GALNT17: variants seen among roughly 807,000 people sequenced by gnomAD.
GALNT17 encodes UDP-GalNAc:polypeptide N-acetylgalactosaminyltransferase-like 3.
In GALNT17, 29 loss-of-function variants were observed where a neutral mutation model predicts 63.7. The observed-to-expected ratio is 0.46, with a 90% CI of 0.34 to 0.62. GALNT17 has a LOEUF of 0.62. GALNT17 is among the 20% of genes least tolerant of loss of function. GALNT17 has a pLI of 0.01. For synonymous variants in GALNT17, 305 were observed against 318.3 expected (o/e 0.96, Z 0.45); for missense variants, 603 against 799.6 (o/e 0.75, Z 2.97).
rs565020580 is a variant in GALNT17, at chr7:71,294,466, G to A, written c.239-41084G>A. ...GTCTTGCTCTGTCACCCAGGTTGGA[G>A]TGCAGTGGTGTGGTCTTGGCTCACT... On this transcript the variant is annotated intron_variant, in intron 1 of 10. Coordinates refer to ENST00000333538, the MANE Select transcript of GALNT17 (RefSeq NM_022479.3). Among the ~76,000 whole-genome samples the A allele has an allele frequency of 1.1e-4, 15 of 136,750 alleles. No homozygotes were observed. The East Asian group carries it at 3.5e-3, about 32-fold the overall frequency. The allele number at this position is 136,750 out of a possible 152,430, so 89.7% of individuals were successfully genotyped here. A position where few individuals can be genotyped will look rare whatever the true frequency, so the allele number is the denominator to read the frequency against.
intron 9 of GALNT17, among the ~76,000 whole-genome samples, chr7:71,694,962 C>G (rs1791517928): frequency 6.6e-6 from 1 of 152,192 alleles, no homozygotes; most frequent in East Asian, 1.9e-4. Context: ...CAGGATACAG[C>G]CCTCCCTTCC....
intron 5 of GALNT17, among the ~76,000 whole-genome samples, chr7:71,519,354 C>T (rs991925056): frequency 5.3e-5 from 8 of 152,230 alleles, no homozygotes; most frequent in African/African-American, 1.9e-4. Context: ...AATCTCTCTT[C>T]AGTCCTTTCA....
chr7:71,246,587 T>G (rs554502040), intron 1 of GALNT17, among the ~76,000 whole-genome samples: 1 of 151,742 alleles, frequency 6.6e-6, no homozygotes, highest in East Asian at 2.0e-4. Flanking sequence ...TCCCAGCACT[T>G]TGGGAGGCCG....
chr7:71,338,252 G>A lies in GALNT17; in HGVS notation c.422+2519G>A, dbSNP rs183786893. Among the ~76,000 whole-genome samples, 228 of 152,092 alleles carry A rather than the reference G, an allele frequency of 1.5e-3. 2 individuals carry two copies. The highest frequency in any genetic ancestry group is 5.3e-3 in the African/African-American group (219 of 41,486). On this transcript the variant is annotated intron_variant, in intron 2 of 10. Transcript: ENST00000333538. The stretch of plus-strand genomic sequence containing the variant: ...TGAGGCAGGAGAATGGCGTGAACCC[G>A]GGAGGCGGAGGTTACAGTGAGCCAA...
chr7:71,421,075 G>C lies in GALNT17; in HGVS notation c.932G>C (p.Trp311Ser). Reference protein sequence around the residue: ...CMYISPPKDWWDAGDPSLPIR... With the variant: ...CMYISPPKDWSDAGDPSLPIR... ...TACATCAGCCCCCCAAAAGACTGGTGGGACGCCGGAGACCCTTCTCTCCCC... is the reference window on the plus strand; with the variant it reads ...TACATCAGCCCCCCAAAAGACTGGTCGGACGCCGGAGACCCTTCTCTCCCC... Residue 311 changes from tryptophan to serine, a missense_variant, in exon 5 of 11, where the codon TGG becomes TCG. By Grantham distance (177) the Trp-to-Ser change is radical. Coordinates refer to ENST00000333538, the MANE Select transcript of GALNT17 (RefSeq NM_022479.3). 6.2e-7 allele frequency: 1 copy of C among 1,614,104 alleles called. No homozygotes were observed. The highest frequency in any genetic ancestry group is 8.5e-7 in the Non-Finnish European group (1 of 1,180,010).
At chr7:71,589,055 T>C (rs529248334) in intron 6 of GALNT17, among the ~76,000 whole-genome samples, 19 of 151,998 alleles carry the variant, frequency 1.3e-4, no homozygotes, top group South Asian at 6.2e-4. Flanking sequence ...GTTATTAGTG[T>C]GTGGAGGTAG....
chr7:71,467,436 C>T (rs1787554477), intron 5 of GALNT17, among the ~76,000 whole-genome samples: 1 of 152,162 alleles, frequency 6.6e-6, no homozygotes. Context: ...CGAAACATGA[C>T]TATTTAAAAA....
At chr7:71,611,085 TC>T (rs2116952306) in intron 6 of GALNT17, among the ~76,000 whole-genome samples, 1 of 151,954 alleles carries the variant, frequency 6.6e-6, no homozygotes, top group South Asian at 2.1e-4. Flanking sequence ...ATCCCATTCA[TC>T]CACAGGTTTC....
intron 5 of GALNT17, among the ~76,000 whole-genome samples, chr7:71,442,837 G>A (rs890416741): frequency 2.0e-5 from 3 of 152,162 alleles, no homozygotes; most frequent in Non-Finnish European, 4.4e-5. Context: ...TGTGAGACCC[G>A]GGAGAGCTGG....
At chr7:71,510,202 C>T (rs1269606464) in intron 5 of GALNT17, among the ~76,000 whole-genome samples, 5 of 152,158 alleles carry the variant, frequency 3.3e-5, no homozygotes. Context: ...CCACTTTGGC[C>T]TCCCAAAGTG....
intron 1 of GALNT17, among the ~76,000 whole-genome samples, chr7:71,291,691 C>T (rs573465672): frequency 7.9e-5 from 12 of 152,088 alleles, no homozygotes; most frequent in Non-Finnish European, 1.3e-4. Flanking sequence ...TATATCCAAT[C>T]GTATCACTGG....
chr7:71,332,640 GTTCTT>G (rs905200771), intron 1 of GALNT17, among the ~76,000 whole-genome samples: 2 of 152,110 alleles, frequency 1.3e-5, no homozygotes, highest in African/African-American at 4.8e-5. Flanking sequence ...TATCATAAGT[GTTCTT>G]TTCTTAACAA....
At chr7:71,305,353 A>G (rs778277576) in intron 1 of GALNT17, among the ~76,000 whole-genome samples, 1 of 152,152 alleles carries the variant, frequency 6.6e-6, no homozygotes, top group South Asian at 2.1e-4. Flanking sequence ...TCCTGGGGCA[A>G]TTCTCCTTAA....
chr7:71,133,141 G>C lies in GALNT17; in HGVS notation c.238+101G>C, dbSNP rs1425721898. On this transcript the variant is annotated intron_variant, in intron 1 of 10. Transcript: ENST00000333538. ...CGCTGCGCCCTGTGCCTGGGAGCCGGCACACCCTGGCTCCCGCGCGCTCCT... is the reference window on the plus strand; with the variant it reads ...CGCTGCGCCCTGTGCCTGGGAGCCGCCACACCCTGGCTCCCGCGCGCTCCT... 5.6e-6 allele frequency: 6 copies of C among 1,063,176 alleles called. No individual in the cohort carries two copies. In the African/African-American group the frequency reaches 1.0e-4, roughly 18 times the overall value. 65.9% of individuals were successfully genotyped at this position (1,063,176 alleles called of 1,614,324 possible).
chr7:71,320,324 C>T (rs2115998231), intron 1 of GALNT17, among the ~76,000 whole-genome samples: 1 of 152,076 alleles, frequency 6.6e-6, no homozygotes, highest in South Asian at 2.1e-4. Flanking sequence ...TCAACCTCGA[C>T]CTCTTGGGCT....
chr7:71,150,077 G>A (rs185919423), intron 1 of GALNT17, among the ~76,000 whole-genome samples: 14 of 152,232 alleles, frequency 9.2e-5, no homozygotes, highest in African/African-American at 1.2e-4. Context: ...GTTCTCTTGC[G>A]TCGAGAAGGT....
chr7:71,134,901 G>A (rs2116139682), intron 1 of GALNT17, among the ~76,000 whole-genome samples: 1 of 137,428 alleles, frequency 7.3e-6, no homozygotes, highest in African/African-American at 2.7e-5. Flanking sequence ...CCCCTGGCTG[G>A]AGTGCAGTGG....
intron 1 of GALNT17, among the ~76,000 whole-genome samples, chr7:71,178,821 G>A (rs1314211657): frequency 6.6e-6 from 1 of 151,986 alleles, no homozygotes; most frequent in Non-Finnish European, 1.5e-5. Flanking sequence ...CTGCCTTATA[G>A]TTCTTATCTA....
intron 5 of GALNT17, among the ~76,000 whole-genome samples, chr7:71,488,578 T>C (rs1309920509): frequency 6.8e-6 from 1 of 146,490 alleles, no homozygotes; most frequent in East Asian, 2.0e-4. Context: ...GCCCTTCTTT[T>C]TTTTTTTTTT....
Sources: allele counts gnomAD v4.1 joint callset (sites outside exome capture counted in the v4.1 genomes callset), GRCh38; gene constraint gnomAD v4.1.1; transcripts MANE v1.5; gene names NCBI Gene and HGNC (gene_info 2026-07-23, HGNC 2026-07-21).